PHF14: variants seen among roughly 807,000 people sequenced by gnomAD.
PHF14 encodes PHD finger protein 14.
Under a neutral mutation model 117.9 loss-of-function variants are expected in PHF14, and 55 were observed. The observed-to-expected ratio is 0.47, with a 90% CI of 0.38 to 0.58. The LOEUF (loss-of-function observed/expected upper bound fraction) is 0.58, where lower values mean the gene tolerates loss of function less well. Ranked by LOEUF, PHF14 falls within the 20% of genes least tolerant of loss-of-function variation. The pLI, the probability that PHF14 is intolerant of heterozygous loss-of-function variation, is 0.00. For missense variants in PHF14, 978 were observed against 1,122.2 expected (o/e 0.87, Z 1.84); for synonymous variants, 409 against 368.6 (o/e 1.11, Z -1.26).
At chr7:11,037,221 T>TCCTACTCCTCA in intron 10 of PHF14, 130 bp downstream of exon 10, 1 of 683,026 alleles carries the variant, frequency 1.5e-6, no homozygotes, top group African/African-American at 1.8e-5. Context: ...TCCCTATAAC[T>TCCTACTCCTCA]CCTACTCCTC....
chr7:11,117,002 T>A (rs2128344757), intron 17 of PHF14, among the ~76,000 whole-genome samples: 1 of 152,082 alleles, frequency 6.6e-6, no homozygotes, highest in African/African-American at 2.4e-5. Context: ...TCCAGGATAT[T>A]CTTGATAAAG....
At chr7:11,135,777 A>G (rs1313049521) in intron 17 of PHF14, among the ~76,000 whole-genome samples, 1 of 152,158 alleles carries the variant, frequency 6.6e-6, no homozygotes, top group Non-Finnish European at 1.5e-5. Flanking sequence ...ACCTCAGGCC[A>G]CACAGAATTG....
intron 11 of PHF14, among the ~76,000 whole-genome samples, chr7:11,039,372 C>T (rs1784428550): frequency 6.6e-6 from 1 of 151,644 alleles, no homozygotes; most frequent in South Asian, 2.1e-4. Context: ...TATTTTTCCC[C>T]TTTAACAGTA....
chr7:11,006,933 G>T, intron 4 of PHF14: 2 of 450,518 alleles, frequency 4.4e-6, no homozygotes, highest in East Asian at 4.8e-5. Flanking sequence ...CCAGCATGTT[G>T]GGAGGCTGAG....
At chr7:11,059,704 G>A (rs1049709625) in intron 14 of PHF14, among the ~76,000 whole-genome samples, 4 of 152,200 alleles carry the variant, frequency 2.6e-5, no homozygotes, top group African/African-American at 9.6e-5. Flanking sequence ...AACCTGGGAG[G>A]CGGAAACTAC....
chr7:11,133,096 G>T (rs998665697), intron 17 of PHF14, among the ~76,000 whole-genome samples: 4 of 151,822 alleles, frequency 2.6e-5, no homozygotes, highest in Admixed American at 2.0e-4. Flanking sequence ...TCATTGACAG[G>T]AGAAATAAAT....
chr7:10,987,145 C>T (rs1782252039), intron 3 of PHF14, among the ~76,000 whole-genome samples: 1 of 152,098 alleles, frequency 6.6e-6, no homozygotes, highest in Non-Finnish European at 1.5e-5. Context: ...TCTTTTTACA[C>T]ATTGCAAAAT....
intron 16 of PHF14, chr7:11,063,802 A>T (rs1785323908): frequency 2.0e-6 from 1 of 512,612 alleles, no homozygotes; most frequent in South Asian, 8.5e-5. Context: ...TCTAATTTTG[A>T]TAAGATTTTT....
chr7:11,001,699 GC>G (rs901242641), intron 4 of PHF14, among the ~76,000 whole-genome samples: 34 of 152,112 alleles, frequency 2.2e-4, no homozygotes, highest in African/African-American at 8.2e-4. Context: ...AAAGCAATTG[GC>G]TTTTGTATAT....
chr7:11,016,369 GAATA>G (rs1783535677), intron 5 of PHF14, among the ~76,000 whole-genome samples: 1 of 151,796 alleles, frequency 6.6e-6, no homozygotes, highest in African/African-American at 2.4e-5. Context: ...TGTATATAAA[GAATA>G]AAAAAGGTTT....
At chr7:11,079,757 A>G (rs1245312985) in intron 16 of PHF14, among the ~76,000 whole-genome samples, 2 of 152,246 alleles carry the variant, frequency 1.3e-5, no homozygotes, top group East Asian at 1.9e-4. Flanking sequence ...GTGATATACA[A>G]AATCATTTAG....
intron 13 of PHF14, among the ~76,000 whole-genome samples, chr7:11,048,152 A>G (rs1040495391): frequency 3.1e-4 from 47 of 152,218 alleles, no homozygotes; most frequent in African/African-American, 1.1e-3. Flanking sequence ...CAGTGTGCTA[A>G]GTAAAAATAT....
intron 17 of PHF14, among the ~76,000 whole-genome samples, chr7:11,126,363 A>G (rs1241110771): frequency 6.6e-6 from 1 of 152,042 alleles, no homozygotes; most frequent in East Asian, 1.9e-4. Flanking sequence ...AGGATACATT[A>G]TTTACTCTTT....
intron 17 of PHF14, among the ~76,000 whole-genome samples, chr7:11,126,601 C>T (rs928222953): frequency 1.3e-5 from 2 of 151,774 alleles, no homozygotes; most frequent in Non-Finnish European, 2.9e-5. Context: ...GTCTTCCTGT[C>T]TACTCCTTCC....
At chr7:11,122,331 T>TTATATATA (rs146463909) in intron 17 of PHF14, among the ~76,000 whole-genome samples, 18 of 84,048 alleles carry the variant, frequency 2.1e-4, no homozygotes, top group African/African-American at 8.9e-4. Context: ...TTTGTACTTT[T>TTATATATA]TATATATATA....
intron 16 of PHF14, chr7:11,106,916 C>T: frequency 1.0e-6 from 1 of 983,034 alleles, no homozygotes; most frequent in Non-Finnish European, 1.2e-6. Flanking sequence ...GTAAAATGTT[C>T]CATTGGCATA....
intron 6 of PHF14, among the ~76,000 whole-genome samples, chr7:11,024,941 GAT>G (rs1200144795): frequency 2.0e-5 from 3 of 152,208 alleles, no homozygotes; most frequent in African/African-American, 7.2e-5. Flanking sequence ...TGATTCCTCT[GAT>G]GGATCTGGGC....
chr7:11,169,345 A>G (rs1187257313), intron 17 of PHF14, 71 bp from the exon 18 acceptor site: 2 of 680,966 alleles, frequency 2.9e-6, no homozygotes, highest in Non-Finnish European at 4.9e-6. Context: ...GATGCAGTTA[A>G]AATCTGTCAA....
At chr7:10,993,838 G>A (rs1156425556) in intron 4 of PHF14, among the ~76,000 whole-genome samples, 10 of 151,670 alleles carry the variant, frequency 6.6e-5, no homozygotes, top group Non-Finnish European at 8.8e-5. Flanking sequence ...GTGAAACGAC[G>A]TCTCTGCTAA....
Sources: gnomAD v4.1 joint callset for allele counts (sites outside exome capture counted in the v4.1 genomes callset) on GRCh38, gnomAD v4.1.1 for gene constraint, MANE v1.5 for transcripts, NCBI Gene and HGNC (gene_info 2026-07-23, HGNC 2026-07-21) for gene names.